Variants in CBFB observed in about 807,000 individuals in gnomAD.
The protein encoded by CBFB is CBF-beta.
CBFB carries 9 observed loss-of-function variants against 30.4 expected under a neutral mutation model. The ratio of observed to expected loss-of-function variants is 0.30; its 90% confidence interval spans 0.18 to 0.52. CBFB has a LOEUF of 0.52. Ranked by LOEUF, CBFB falls within the 20% of genes least tolerant of loss-of-function variation. The pLI, the probability that CBFB is intolerant of heterozygous loss-of-function variation, is 0.97. For synonymous variants in CBFB, 94 were observed against 84.0 expected (o/e 1.12, Z -0.65); for missense variants, 170 against 244.0 (o/e 0.70, Z 2.02).
At chr16:67,038,676 C>T (rs1408708477) in intron 3 of CBFB, among the ~76,000 whole-genome samples, 1 of 151,172 alleles carries the variant, frequency 6.6e-6, no homozygotes, top group Admixed American at 6.6e-5. Flanking sequence ...GCTTCTGGTG[C>T]GTGTATGTGT....
chr16:67,067,611 C>T (rs1379892625), intron 4 of CBFB, among the ~76,000 whole-genome samples: 1 of 152,174 alleles, frequency 6.6e-6, no homozygotes, highest in African/African-American at 2.4e-5. Flanking sequence ...TCATTTTAGT[C>T]AGGAGCTGCT....
chr16:67,054,008 A>T (rs1184396983), intron 3 of CBFB, among the ~76,000 whole-genome samples: 1 of 152,010 alleles, frequency 6.6e-6, no homozygotes, highest in African/African-American at 2.4e-5. Context: ...TTTTGCCCTC[A>T]GGATCTTGGT....
At chr16:67,081,298 G>A (rs1961546927) in intron 4 of CBFB, among the ~76,000 whole-genome samples, 1 of 151,932 alleles carries the variant, frequency 6.6e-6, no homozygotes, top group Non-Finnish European at 1.5e-5. Context: ...TCCCTACAAA[G>A]GACATGAACT....
intron 5 of CBFB, among the ~76,000 whole-genome samples, chr16:67,092,811 C>T (rs1021527019): frequency 7.0e-6 from 1 of 142,520 alleles, no homozygotes; most frequent in Non-Finnish European, 1.5e-5. Context: ...CTCCTGGGTT[C>T]AGGCGATTCT....
chr16:67,094,117 C>CTT (rs757109594), intron 5 of CBFB, among the ~76,000 whole-genome samples: 17 of 130,560 alleles, frequency 1.3e-4, no homozygotes, highest in Non-Finnish European at 1.8e-4. Context: ...CTTCCTCCCT[C>CTT]TTTTTTTTTT....
intron 3 of CBFB, among the ~76,000 whole-genome samples, chr16:67,037,350 A>G (rs1481798415): frequency 6.6e-6 from 1 of 152,224 alleles, no homozygotes; most frequent in Admixed American, 6.5e-5. Flanking sequence ...TTACAAAAAT[A>G]TATGTAAGTA....
chr16:67,078,492 G>A (rs1300655616), intron 4 of CBFB, among the ~76,000 whole-genome samples: 1 of 152,112 alleles, frequency 6.6e-6, no homozygotes, highest in Non-Finnish European at 1.5e-5. Context: ...GCTGCAGTGA[G>A]CTATAATCAC....
Position 67,035,010 on chromosome 16 carries a change from C to CT in CBFB, c.166-1616dup, listed in dbSNP as rs76566336. ...GCCTGGGCAGTTTCCCTCCCAGAAA[C>CT]TTTTTTTTTTTTTAACTAGTGTTGG... is the stretch of plus-strand genomic sequence containing the variant. On this transcript the variant is annotated intron_variant, in intron 2 of 5. Transcript: ENST00000412916. 9.2e-4 allele frequency among the ~76,000 whole-genome samples: 134 copies of CT among 145,112 alleles called. 1 individual carries two copies. The highest frequency in any genetic ancestry group is 2.0e-3 in the South Asian group (9 of 4,574).
intron 3 of CBFB, among the ~76,000 whole-genome samples, chr16:67,057,548 CT>C (rs999604966): frequency 4.6e-5 from 7 of 152,172 alleles, no homozygotes; most frequent in East Asian, 1.9e-4. Flanking sequence ...TACCCTCCCC[CT>C]GACAATGTAA....
chr16:67,057,515 C>T (rs1182439548), intron 3 of CBFB, among the ~76,000 whole-genome samples: 1 of 152,136 alleles, frequency 6.6e-6, no homozygotes, highest in Admixed American at 6.5e-5. Flanking sequence ...CCCAAATTGC[C>T]TTCCCAAAAT....
At chr16:67,078,980 G>A (rs982592833) in intron 4 of CBFB, among the ~76,000 whole-genome samples, 1 of 152,090 alleles carries the variant, frequency 6.6e-6, no homozygotes, top group Non-Finnish European at 1.5e-5. Flanking sequence ...TCCTGTCATC[G>A]GCAGATGTGT....
intron 3 of CBFB, among the ~76,000 whole-genome samples, chr16:67,042,510 A>AT (rs1555535077): frequency 1.4e-4 from 21 of 151,682 alleles, no homozygotes; most frequent in Admixed American, 1.3e-3. Flanking sequence ...TATTTCAGTC[A>AT]CCCCCCCAAA....
chr16:67,094,757 G>A (rs573518162), intron 5 of CBFB, among the ~76,000 whole-genome samples: 86 of 152,202 alleles, frequency 5.7e-4, no homozygotes, highest in African/African-American at 2.0e-3. Context: ...AGCATTGATT[G>A]TGTATGGAAC....
chr16:67,033,395 A>G (rs1309551726), intron 2 of CBFB, among the ~76,000 whole-genome samples: 1 of 152,180 alleles, frequency 6.6e-6, no homozygotes, highest in African/African-American at 2.4e-5. Flanking sequence ...GCTGGAGTGC[A>G]GTGGTGCCAT....
intron 3 of CBFB, among the ~76,000 whole-genome samples, chr16:67,055,578 G>C (rs1960697392): frequency 6.6e-6 from 1 of 151,526 alleles, no homozygotes; most frequent in Non-Finnish European, 1.5e-5. Context: ...TGATGGTCTC[G>C]ATCTCCTGAC....
At chr16:67,040,019 A>G (rs1966504153) in intron 3 of CBFB, among the ~76,000 whole-genome samples, 1 of 152,206 alleles carries the variant, frequency 6.6e-6, no homozygotes, top group Non-Finnish European at 1.5e-5. Context: ...AAGCATTTTA[A>G]GGCAAAAACT....
intron 5 of CBFB, among the ~76,000 whole-genome samples, chr16:67,089,477 C>T (rs1597160702): frequency 6.6e-6 from 1 of 152,194 alleles, no homozygotes; most frequent in Admixed American, 6.5e-5. Flanking sequence ...ATAAAATTTG[C>T]TTTCAGTATT....
At chr16:67,061,986 C>T (rs748841642) in intron 3 of CBFB, among the ~76,000 whole-genome samples, 5 of 151,754 alleles carry the variant, frequency 3.3e-5, no homozygotes, top group South Asian at 2.1e-4. Context: ...GAGCCGAGAT[C>T]GCACCACTGC....
At chr16:67,072,076 T>G (rs1311600195) in intron 4 of CBFB, among the ~76,000 whole-genome samples, 3 of 152,146 alleles carry the variant, frequency 2.0e-5, no homozygotes, top group African/African-American at 7.2e-5. Flanking sequence ...GTTAATGTTA[T>G]ATCATTCATA....
Sources: allele counts gnomAD v4.1 joint callset (sites outside exome capture counted in the v4.1 genomes callset), GRCh38; gene constraint gnomAD v4.1.1; transcripts MANE v1.5; gene names NCBI Gene and HGNC (gene_info 2026-07-23, HGNC 2026-07-21).